Variants in CRB1 observed in about 807,000 individuals in gnomAD.
CRB1 encodes the protein protein crumbs homolog 1.
In CRB1, 83 loss-of-function variants were observed where a neutral mutation model predicts 120.0. The observed-to-expected ratio is 0.69, with a 90% CI of 0.58 to 0.83. The LOEUF is 0.83. CRB1 is among the 40% of genes least tolerant of loss of function. The pLI, the probability that CRB1 is intolerant of heterozygous loss-of-function variation, is 0.00. For synonymous variants in CRB1, 625 were observed against 612.5 expected, an observed-to-expected ratio of 1.02 and a Z score of -0.30; for missense variants, 1,699 against 1,687.6, an observed-to-expected ratio of 1.01 and a Z score of -0.12.
chr1:197,359,723 C>T (rs976287548), intron 5 of CRB1, among the ~76,000 whole-genome samples: 2 of 152,080 alleles, frequency 1.3e-5, no homozygotes, highest in Non-Finnish European at 2.9e-5. Flanking sequence ...CAGCAATGTA[C>T]GAGTGATCCA....
chr1:197,257,003 C>G, the CRB1 span, among the ~76,000 whole-genome samples: 1 of 148,498 alleles, frequency 6.7e-6, no homozygotes, highest in South Asian at 2.1e-4. Context: ...ACGTTCACTC[C>G]CATGATATGC....
chr1:197,440,613 G>A (rs565022365), intron 10 of CRB1: 12 of 152,300 alleles, frequency 7.9e-5, no homozygotes, highest in African/African-American at 2.2e-4. Flanking sequence ...ATTGTTGACT[G>A]TTTAGTTCAA....
At chr1:197,352,466 G>A (rs890331279) in intron 4 of CRB1, among the ~76,000 whole-genome samples, 1 of 152,136 alleles carries the variant, frequency 6.6e-6, no homozygotes, top group African/African-American at 2.4e-5. Flanking sequence ...ATTGAAAATA[G>A]TCCAGCCTTT....
intron 10 of CRB1, chr1:197,441,939 C>T (rs890497990): frequency 1.8e-5 from 10 of 552,604 alleles, no homozygotes; most frequent in South Asian, 4.7e-5. Context: ...TAATTAATTC[C>T]GTGTGTATAT....
chr1:197,452,891 C>T (rs1328485935), intron 11 of CRB1, among the ~76,000 whole-genome samples: 1 of 151,962 alleles, frequency 6.6e-6, no homozygotes, highest in East Asian at 1.9e-4. Context: ...AGTATATATA[C>T]AAAATAATTG....
chr1:197,309,332 ACACAGTTT>A (rs1481792410), intron 1 of CRB1, among the ~76,000 whole-genome samples: 1 of 152,152 alleles, frequency 6.6e-6, no homozygotes, highest in Admixed American at 6.6e-5. Context: ...ACACACATAC[ACACAGTTT>A]CTGGTTGGTA....
At chr1:197,394,417 G>T (rs186056478) in intron 5 of CRB1, among the ~76,000 whole-genome samples, 31 of 151,902 alleles carry the variant, frequency 2.0e-4, no homozygotes, top group Admixed American at 1.9e-3. Context: ...TTATGTTTTG[G>T]GATAGTTGCA....
the CRB1 span, chr1:197,223,193 A>C: frequency 8.6e-7 from 1 of 1,163,824 alleles, no homozygotes. Context: ...TATTTGGAAC[A>C]TGGATCCTGG....
chr1:197,373,054 C>T (rs1012863639), intron 5 of CRB1, among the ~76,000 whole-genome samples: 2 of 152,070 alleles, frequency 1.3e-5, no homozygotes, highest in African/African-American at 4.8e-5. Context: ...GATCTGTGCT[C>T]GGGTGCTAGA....
chr1:197,441,015 T>C (rs1013414312), intron 10 of CRB1: 2 of 152,232 alleles, frequency 1.3e-5, no homozygotes, highest in Non-Finnish European at 2.9e-5. Flanking sequence ...AAGAAATCTT[T>C]GTTTTCCTTT....
chr1:197,361,483 CT>C (rs556580666), intron 5 of CRB1, among the ~76,000 whole-genome samples: 81 of 150,408 alleles, frequency 5.4e-4, no homozygotes, highest in African/African-American at 1.1e-3. Context: ...GGGATTGGTC[CT>C]TTTTTTTTCT....
At chr1:197,246,452 A>G in the CRB1 span, among the ~76,000 whole-genome samples, 1 of 151,924 alleles carries the variant, frequency 6.6e-6, no homozygotes, top group East Asian at 1.9e-4. Context: ...CCAAAAGAAA[A>G]CCCAAGGAGC....
intron 5 of CRB1, among the ~76,000 whole-genome samples, chr1:197,390,449 A>G (rs977776436): frequency 6.6e-6 from 1 of 152,070 alleles, no homozygotes; most frequent in Non-Finnish European, 1.5e-5. Context: ...AGAAAGCTGA[A>G]CAATAGCTCC....
At chr1:197,374,132 T>G (rs889525570) in intron 5 of CRB1, among the ~76,000 whole-genome samples, 1 of 152,170 alleles carries the variant, frequency 6.6e-6, no homozygotes, top group Admixed American at 6.5e-5. Flanking sequence ...TAGTTCGTGG[T>G]AGTGGATATG....
intron 5 of CRB1, among the ~76,000 whole-genome samples, chr1:197,410,576 AG>A (rs1394134936): frequency 6.6e-6 from 1 of 152,240 alleles, no homozygotes; most frequent in Non-Finnish European, 1.5e-5. Flanking sequence ...AATCCTTATT[AG>A]TGGCCTTCTA....
chr1:197,296,890 T>C (rs1308910049), intron 1 of CRB1, among the ~76,000 whole-genome samples: 1 of 152,058 alleles, frequency 6.6e-6, no homozygotes, highest in East Asian at 1.9e-4. Context: ...TCTGCCATGA[T>C]TGTGAGGCCT....
rs62636265 is a variant in CRB1, at chr1:197,421,267, G to A, written c.1439G>A (p.Cys480Tyr). 1 of 1,614,182 alleles carries A rather than the reference G, an allele frequency of 6.2e-7. No homozygotes were observed. Among genetic ancestry groups the A allele is most frequent in the Non-Finnish European group, 8.5e-7 (1 of 1,180,004 alleles). ...LCPSGYTGSL[C>Y]EIATTLSFEG... Reference sequence around the variant, plus strand: ...CCATCTGGCTACACCGGGTCCCTGTGTGAAATCGCAACCACACTTTCATTT... The same window carrying A: ...CCATCTGGCTACACCGGGTCCCTGTATGAAATCGCAACCACACTTTCATTT... The change falls in exon 6 of 12, where the codon TGT (cysteine) becomes TAT (tyrosine). Residue 480 changes from cysteine (C) to tyrosine (Y), a missense_variant. Coordinates refer to ENST00000367400, the MANE Select transcript of CRB1 (RefSeq NM_201253.3).
At chr1:197,291,190 G>T (rs1361579372) in intron 1 of CRB1, among the ~76,000 whole-genome samples, 2 of 151,536 alleles carry the variant, frequency 1.3e-5, no homozygotes, top group African/African-American at 4.8e-5. Context: ...TCATTTCTTG[G>T]ACAATATAGT....
the CRB1 span, among the ~76,000 whole-genome samples, chr1:197,252,839 C>A: frequency 1.9e-4 from 29 of 151,208 alleles, no homozygotes; most frequent in African/African-American, 5.8e-4. Flanking sequence ...ATGTCCCAGC[C>A]CAAACAGACA....
Sources: allele counts gnomAD v4.1 joint callset (sites outside exome capture counted in the v4.1 genomes callset), GRCh38; gene constraint gnomAD v4.1.1; transcripts MANE v1.5; gene names NCBI Gene and HGNC (gene_info 2026-07-23, HGNC 2026-07-21).